SPAG17: variants seen among roughly 807,000 people sequenced by gnomAD.
The protein encoded by SPAG17 is sperm associated antigen 17, also known as sperm-associated antigen 17.
SPAG17 carries 169 observed loss-of-function variants against 273.6 expected under a neutral mutation model. The ratio of observed to expected loss-of-function variants is 0.62; its 90% confidence interval spans 0.55 to 0.70. SPAG17 has a LOEUF of 0.70. SPAG17 is among the 30% of genes least tolerant of loss of function. The probability of loss-of-function intolerance (pLI) is 0.00; values close to 1 mark genes in which losing one functional copy is unlikely to be tolerated. For missense variants in SPAG17, 2,557 were observed against 2,627.8 expected (o/e 0.97, Z 0.59); for synonymous variants, 825 against 873.2 (o/e 0.94, Z 0.97).
chr1:117,966,892 GT>G, intron 46 of SPAG17, 139 bp from the exon 47 acceptor site: 1 of 620,002 alleles, frequency 1.6e-6, no homozygotes, highest in Non-Finnish European at 2.6e-6. Context: ...ACAAATGGTA[GT>G]TATTATAAGC....
intron 31 of SPAG17, among the ~76,000 whole-genome samples, chr1:118,007,494 G>C (rs962883266): frequency 1.3e-5 from 2 of 152,138 alleles, no homozygotes; most frequent in African/African-American, 4.8e-5. Context: ...GTGTTTAAAG[G>C]GGAAATGCAG....
chr1:118,147,604 A>T (rs1220051750), intron 3 of SPAG17, among the ~76,000 whole-genome samples: 9 of 152,240 alleles, frequency 5.9e-5, no homozygotes, highest in Non-Finnish European at 1.5e-5. Flanking sequence ...CATTAGCACA[A>T]ATCTAAGCAG....
intron 4 of SPAG17, among the ~76,000 whole-genome samples, chr1:118,109,009 T>A (rs559836268): frequency 6.6e-6 from 1 of 152,332 alleles, no homozygotes; most frequent in East Asian, 1.9e-4. Context: ...TAGATCATAT[T>A]TTATTTCTAA....
chr1:118,013,611 G>A (rs951670231), intron 29 of SPAG17, among the ~76,000 whole-genome samples: 3 of 152,060 alleles, frequency 2.0e-5, no homozygotes, highest in African/African-American at 7.2e-5. Context: ...GAAATGTTAT[G>A]TGGGTTAAAC....
At chr1:118,019,108 T>C (rs1280165789) in intron 28 of SPAG17, among the ~76,000 whole-genome samples, 1 of 149,992 alleles carries the variant, frequency 6.7e-6, no homozygotes, top group Non-Finnish European at 1.5e-5. Flanking sequence ...AAAATTATCA[T>C]CTCATAGTCA....
At chr1:118,136,734 A>G (rs1226825081) in intron 3 of SPAG17, among the ~76,000 whole-genome samples, 2 of 152,246 alleles carry the variant, frequency 1.3e-5, no homozygotes, top group East Asian at 3.9e-4. Flanking sequence ...AAAGCACCAC[A>G]TACAAACCTC....
chr1:118,034,710 A>G (rs1480830608), intron 24 of SPAG17, among the ~76,000 whole-genome samples: 1 of 152,262 alleles, frequency 6.6e-6, no homozygotes, highest in Non-Finnish European at 1.5e-5. Context: ...TGAAAGGCAC[A>G]GAAATAATAG....
At chr1:118,184,681 A>AG (rs1261137313) in intron 1 of SPAG17, among the ~76,000 whole-genome samples, 1 of 152,208 alleles carries the variant, frequency 6.6e-6, no homozygotes, top group East Asian at 1.9e-4. Context: ...ATTATGGGCC[A>AG]GGCCACAGAT....
At chr1:117,958,709 A>G (rs1281279822) in intron 48 of SPAG17, among the ~76,000 whole-genome samples, 1 of 151,464 alleles carries the variant, frequency 6.6e-6, no homozygotes, top group African/African-American at 2.4e-5. Context: ...GGTTTAGGAC[A>G]GTATTTTTTA....
At chr1:117,996,765 C>A (rs374681968) in intron 32 of SPAG17, 22 bp from the exon 33 acceptor site, 17 of 1,568,654 alleles carry the variant, frequency 1.1e-5, no homozygotes, top group Non-Finnish European at 1.2e-5. Flanking sequence ...AGTATGTAAG[C>A]AACTAAAAGA....
intron 1 of SPAG17, among the ~76,000 whole-genome samples, chr1:118,165,428 G>A (rs1158253929): frequency 6.6e-6 from 1 of 151,792 alleles, no homozygotes; most frequent in Non-Finnish European, 1.5e-5. Context: ...GATTTCCTTG[G>A]CATGAGGCAA....
intron 18 of SPAG17, among the ~76,000 whole-genome samples, chr1:118,065,336 G>A (rs949286184): frequency 7.2e-5 from 11 of 151,912 alleles, no homozygotes; most frequent in Admixed American, 1.3e-4. Context: ...TCCCTGGGCC[G>A]TATGTTTTTA....
intron 24 of SPAG17, among the ~76,000 whole-genome samples, chr1:118,032,130 G>A (rs941184046): frequency 6.6e-6 from 1 of 152,052 alleles, no homozygotes; most frequent in African/African-American, 2.4e-5. Flanking sequence ...CATCTACATT[G>A]TAAACTCCTT....
At chr1:118,071,645 A>G (rs939922223) in intron 17 of SPAG17, among the ~76,000 whole-genome samples, 2 of 151,856 alleles carry the variant, frequency 1.3e-5, no homozygotes, top group African/African-American at 4.8e-5. Context: ...ACATCATCTC[A>G]AAAAAAAGAA....
At chr1:118,030,404 T>G (rs1648304910) in intron 25 of SPAG17, among the ~76,000 whole-genome samples, 1 of 152,034 alleles carries the variant, frequency 6.6e-6, no homozygotes, top group African/African-American at 2.4e-5. Flanking sequence ...TTTAGAACCT[T>G]CTTTTTTTTT....
intron 48 of SPAG17, chr1:117,956,991 A>G (rs1004781723): frequency 2.3e-6 from 3 of 1,280,976 alleles, no homozygotes; most frequent in East Asian, 5.1e-5. Context: ...AAAATAATAA[A>G]GGGAAGGATT....
At position 118,099,691 on chromosome 1, in the gene SPAG17, A is replaced by C. The variant is rs1655936846; in HGVS notation, c.744T>G (p.Ile248Met). The C allele has an allele frequency of 6.2e-7, 1 of 1,613,926 alleles. No homozygotes were observed. Among genetic ancestry groups the C allele is most frequent in the African/African-American group, 1.3e-5 (1 of 74,910 alleles). Residue 248 changes from isoleucine (I) to methionine (M), a missense_variant, in exon 6 of 49, where the codon ATT becomes ATG. Ile to Met is a conservative substitution (Grantham distance 10). Coordinates refer to ENST00000336338, the MANE Select transcript of SPAG17 (RefSeq NM_206996.4). The part of the protein sequence containing the change: ...AELGIPITSV[I>M]KISSENYEPL... ...GTTCATAATTCTCTGAAGATATTTT[A>C]ATCACGCTGGTTATAGGAATGCCAA... is the stretch of plus-strand genomic sequence containing the variant.
At chr1:118,124,855 T>A (rs1351436669) in intron 3 of SPAG17, among the ~76,000 whole-genome samples, 1 of 152,178 alleles carries the variant, frequency 6.6e-6, no homozygotes, top group East Asian at 1.9e-4. Context: ...CAACATATTG[T>A]GTGGCCTCAC....
chr1:118,163,535 T>C (rs2102376623), intron 1 of SPAG17, among the ~76,000 whole-genome samples: 1 of 151,460 alleles, frequency 6.6e-6, no homozygotes, highest in Admixed American at 6.6e-5. Flanking sequence ...TTCTGATTCC[T>C]TCTTCCTTTT....
Sources: allele counts gnomAD v4.1 joint callset (sites outside exome capture counted in the v4.1 genomes callset), GRCh38; gene constraint gnomAD v4.1.1; transcripts MANE v1.5; gene names NCBI Gene and HGNC (gene_info 2026-07-23, HGNC 2026-07-21).